The following DISC1 variants were observed in gnomAD, a reference collection of about 807,000 sequenced individuals.
DISC1 encodes disrupted in schizophrenia 1 protein.
DISC1 carries 57 observed loss-of-function variants against 84.5 expected under a neutral mutation model. The observed-to-expected ratio is 0.67, with a 90% CI of 0.55 to 0.84. The LOEUF is 0.84. Ranked by LOEUF, DISC1 falls within the 40% of genes least tolerant of loss-of-function variation. DISC1 has a pLI of 0.00. For missense variants in DISC1, 1,000 were observed against 1,057.8 expected, an observed-to-expected ratio of 0.95 and a Z score of 0.76; for synonymous variants, 411 against 415.2, an observed-to-expected ratio of 0.99 and a Z score of 0.12.
chr1:231,664,662 G>A (rs1455199410), intron 1 of DISC1, among the ~76,000 whole-genome samples: 1 of 152,146 alleles, frequency 6.6e-6, no homozygotes, highest in African/African-American at 2.4e-5. Context: ...AGCCCAGTGA[G>A]ACTCACTTTG....
intron 3 of DISC1, among the ~76,000 whole-genome samples, chr1:231,726,872 CTT>C (rs2070790881): frequency 6.6e-6 from 1 of 152,282 alleles, no homozygotes; most frequent in African/African-American, 2.4e-5. Context: ...TGATCTCTCT[CTT>C]AGCCTATGAT....
intron 10 of DISC1, among the ~76,000 whole-genome samples, chr1:231,967,900 A>G (rs1661333413): frequency 6.6e-6 from 1 of 152,224 alleles, no homozygotes; most frequent in Admixed American, 6.5e-5. Context: ...AATTAAAAAG[A>G]GTAAAAAAGG....
intron 3 of DISC1, among the ~76,000 whole-genome samples, chr1:231,721,296 A>G (rs1411559421): frequency 1.3e-5 from 2 of 151,640 alleles, no homozygotes; most frequent in African/African-American, 4.8e-5. Flanking sequence ...TACAGATGAG[A>G]AAAAAAAAGA....
intron 1 of DISC1, chr1:231,685,149 G>A (rs963560883): frequency 6.6e-6 from 1 of 152,242 alleles, no homozygotes; most frequent in Non-Finnish European, 1.5e-5. Flanking sequence ...TTTTGAAAGG[G>A]AGTGGGAAGG....
chr1:231,959,335 G>A, intron 10 of DISC1: 1 of 985,656 alleles, frequency 1.0e-6, no homozygotes, highest in Non-Finnish European at 1.2e-6. Context: ...AAAATTTCTG[G>A]TTGCTTTTTT....
At chr1:231,682,342 C>G (rs1301584892) in intron 1 of DISC1, among the ~76,000 whole-genome samples, 1 of 152,146 alleles carries the variant, frequency 6.6e-6, no homozygotes, top group African/African-American at 2.4e-5. Context: ...TAGAGAAAAC[C>G]TTTCCCTGCA....
At chr1:231,661,855 C>A (rs1168572448) in intron 1 of DISC1, among the ~76,000 whole-genome samples, 1 of 152,178 alleles carries the variant, frequency 6.6e-6, no homozygotes, top group Non-Finnish European at 1.5e-5. Context: ...AGCACTGATT[C>A]TTTGCTTATC....
chr1:231,762,208 CTTT>C (rs1329270207), intron 4 of DISC1, among the ~76,000 whole-genome samples: 45,459 of 98,684 alleles, frequency 0.46, 11,063 homozygotes, highest in Non-Finnish European at 0.52. Flanking sequence ...CTTTTCTTTT[CTTT>C]TCTCTTCTTT....
intron 1 of DISC1, among the ~76,000 whole-genome samples, chr1:231,666,626 C>T (rs923434834): frequency 1.3e-5 from 2 of 152,172 alleles, no homozygotes; most frequent in Non-Finnish European, 2.9e-5. Flanking sequence ...CAGGCAGCTG[C>T]CCAGCCTCTC....
At chr1:231,745,048 T>A (rs945988403) in intron 3 of DISC1, among the ~76,000 whole-genome samples, 4 of 141,556 alleles carry the variant, frequency 2.8e-5, no homozygotes, top group Admixed American at 7.2e-5. Flanking sequence ...TAATTAAAAT[T>A]TTTTTAAATA....
chr1:231,688,343 A>T (rs190101648), intron 1 of DISC1, among the ~76,000 whole-genome samples: 4 of 152,290 alleles, frequency 2.6e-5, no homozygotes, highest in Admixed American at 2.6e-4. Context: ...AGGCCTCTGG[A>T]TGTAACCCTG....
At chr1:232,006,355 G>A (rs1393889414) in intron 10 of DISC1, among the ~76,000 whole-genome samples, 1 of 152,178 alleles carries the variant, frequency 6.6e-6, no homozygotes, top group Non-Finnish European at 1.5e-5. Flanking sequence ...TGCTGATAGT[G>A]ATATGGATAA....
At chr1:231,718,617 G>A (rs2069132844) in intron 3 of DISC1, among the ~76,000 whole-genome samples, 2 of 152,040 alleles carry the variant, frequency 1.3e-5, no homozygotes, top group Non-Finnish European at 2.9e-5. Context: ...TCTATTTTTA[G>A]TAGAGACGGG....
At chr1:231,705,537 C>T (rs997112377) in intron 3 of DISC1, among the ~76,000 whole-genome samples, 1 of 151,760 alleles carries the variant, frequency 6.6e-6, no homozygotes, top group South Asian at 2.1e-4. Context: ...CAAAGTTAGG[C>T]TTGAAAGGAG....
intron 9 of DISC1, among the ~76,000 whole-genome samples, chr1:231,842,517 G>C (rs545410178): frequency 6.6e-6 from 1 of 152,294 alleles, no homozygotes; most frequent in Non-Finnish European, 1.5e-5. Context: ...TCCTATGTAG[G>C]TACTTTGGAG....
chr1:231,664,381 T>C (rs1386181585), intron 1 of DISC1, among the ~76,000 whole-genome samples: 3 of 152,054 alleles, frequency 2.0e-5, no homozygotes, highest in Non-Finnish European at 4.4e-5. Flanking sequence ...CAGAATAATA[T>C]CCCCCCAAAG....
chr1:231,795,004 C>G (rs1004325660), intron 6 of DISC1, among the ~76,000 whole-genome samples: 2 of 152,130 alleles, frequency 1.3e-5, no homozygotes, highest in Non-Finnish European at 2.9e-5. Flanking sequence ...GATGTACACT[C>G]TGGGCATGAT....
chr1:231,712,376 G>A (rs1472445281), intron 3 of DISC1, among the ~76,000 whole-genome samples: 10 of 152,148 alleles, frequency 6.6e-5, no homozygotes, highest in Admixed American at 5.9e-4. Context: ...AGTTACGTTA[G>A]CAAAATGGTA....
chr1:231,690,975 G>A (rs1428300277), intron 1 of DISC1, among the ~76,000 whole-genome samples: 1 of 152,148 alleles, frequency 6.6e-6, no homozygotes. Flanking sequence ...CCTCTCTTAT[G>A]TTTGCCCTCC....
Sources: allele counts gnomAD v4.1 joint callset (sites outside exome capture counted in the v4.1 genomes callset), GRCh38; gene constraint gnomAD v4.1.1; transcripts MANE v1.5; gene names NCBI Gene and HGNC (gene_info 2026-07-23, HGNC 2026-07-21).